Variants in TANC2 observed in about 807,000 individuals in gnomAD.
TANC2 encodes the protein tetratricopeptide repeat, ankyrin repeat and coiled-coil containing 2.
A neutral mutation model predicts 210.5 loss-of-function variants in TANC2; 26 were observed. The ratio of observed to expected loss-of-function variants is 0.12; its 90% CI spans 0.09 to 0.17. TANC2 has a LOEUF of 0.17. TANC2 is among the 10% of genes least tolerant of loss of function. The pLI, the probability that TANC2 is intolerant of heterozygous loss-of-function variation, is 1.00. For synonymous variants in TANC2, 931 were observed against 967.1 expected, an observed-to-expected ratio of 0.96 and a Z score of 0.69; for missense variants, 2,129 against 2,608.9, an observed-to-expected ratio of 0.82 and a Z score of 4.01.
intron 3 of TANC2, among the ~76,000 whole-genome samples, chr17:63,074,605 A>C (rs2036510051): frequency 6.6e-6 from 1 of 152,096 alleles, no homozygotes; most frequent in East Asian, 1.9e-4. Flanking sequence ...CTTTTTCTTT[A>C]TAGTACTTAC....
intron 11 of TANC2, among the ~76,000 whole-genome samples, chr17:63,331,808 A>T (rs988211547): frequency 1.4e-4 from 22 of 151,870 alleles, no homozygotes; most frequent in African/African-American, 5.3e-4. Flanking sequence ...GCCAAGAATG[A>T]AGCCTACAGT....
chr17:63,099,415 TAGGTCACGTC>T, intron 4 of TANC2, 58 bp downstream of exon 4: 1 of 1,305,012 alleles, frequency 7.7e-7, no homozygotes. Flanking sequence ...TATGACACTT[TAGGTCACGTC>T]AGATGTGTAT....
intron 14 of TANC2, among the ~76,000 whole-genome samples, chr17:63,360,510 T>C (rs944145021): frequency 2.0e-5 from 3 of 152,196 alleles, no homozygotes; most frequent in Admixed American, 1.3e-4. Flanking sequence ...GGGTACATGG[T>C]ATATACATAC....
chr17:63,030,066 G>C (rs1274468121), intron 2 of TANC2, among the ~76,000 whole-genome samples: 1 of 152,102 alleles, frequency 6.6e-6, no homozygotes, highest in Non-Finnish European at 1.5e-5. Flanking sequence ...AGCTGCAAGT[G>C]AGCCACTGCA....
At chr17:63,219,631 G>C (rs1421742520) in intron 7 of TANC2, among the ~76,000 whole-genome samples, 3 of 151,960 alleles carry the variant, frequency 2.0e-5, no homozygotes, top group Non-Finnish European at 4.4e-5. Flanking sequence ...GGTTGTTCTT[G>C]AACTCCTGAC....
intron 11 of TANC2, among the ~76,000 whole-genome samples, chr17:63,324,422 CAGTA>C (rs1292026105): frequency 6.6e-6 from 1 of 152,066 alleles, no homozygotes; most frequent in African/African-American, 2.4e-5. Flanking sequence ...GTAGTCATTT[CAGTA>C]ATCCTTTAAT....
At chr17:63,207,922 A>G (rs1384630459) in intron 7 of TANC2, among the ~76,000 whole-genome samples, 1 of 152,172 alleles carries the variant, frequency 6.6e-6, no homozygotes, top group Non-Finnish European at 1.5e-5. Context: ...GCCAATCTGG[A>G]TGATATGAAA....
At chr17:63,052,924 CA>C (rs2035633070) in intron 2 of TANC2, among the ~76,000 whole-genome samples, 1 of 152,148 alleles carries the variant, frequency 6.6e-6, no homozygotes, top group African/African-American at 2.4e-5. Context: ...TAGTTATTTG[CA>C]GTCATTTAAA....
At chr17:63,273,438 AT>A (rs1331218103) in intron 9 of TANC2, among the ~76,000 whole-genome samples, 10 of 152,228 alleles carry the variant, frequency 6.6e-5, no homozygotes, top group African/African-American at 2.2e-4. Context: ...TCATTTATTC[AT>A]TTTTTTATAA....
chr17:63,387,335 A>C (rs1212435707), intron 15 of TANC2, among the ~76,000 whole-genome samples: 1 of 152,110 alleles, frequency 6.6e-6, no homozygotes, highest in Non-Finnish European at 1.5e-5. Context: ...CTCTACAGGA[A>C]GTTTTTTCCT....
intron 5 of TANC2, among the ~76,000 whole-genome samples, chr17:63,163,188 A>G (rs1022442523): frequency 2.0e-5 from 3 of 152,142 alleles, no homozygotes; most frequent in Non-Finnish European, 4.4e-5. Context: ...ATAGGCTCAA[A>G]GAAATGAGCT....
chr17:63,202,302 T>C (rs1232906612), intron 7 of TANC2, among the ~76,000 whole-genome samples: 1 of 152,136 alleles, frequency 6.6e-6, no homozygotes, highest in African/African-American at 2.4e-5. Context: ...TAAAACTATA[T>C]ATTTATACTC....
At chr17:63,016,000 C>A (rs1237848289) in intron 2 of TANC2, among the ~76,000 whole-genome samples, 1 of 151,892 alleles carries the variant, frequency 6.6e-6, no homozygotes, top group Non-Finnish European at 1.5e-5. Flanking sequence ...GAGATACTGG[C>A]AATTTCAGAT....
At chr17:63,339,870 T>C (rs1598890721) in intron 11 of TANC2, among the ~76,000 whole-genome samples, 1 of 152,214 alleles carries the variant, frequency 6.6e-6, no homozygotes, top group Non-Finnish European at 1.5e-5. Flanking sequence ...GGTTATGATA[T>C]CATATGCATA....
intron 3 of TANC2, among the ~76,000 whole-genome samples, chr17:63,077,256 C>T (rs1447822586): frequency 2.0e-5 from 3 of 152,060 alleles, no homozygotes; most frequent in African/African-American, 7.2e-5. Context: ...TCTCTGAATT[C>T]CATATGCATT....
chr17:63,030,024 G>T (rs1265495996), intron 2 of TANC2, among the ~76,000 whole-genome samples: 1 of 152,112 alleles, frequency 6.6e-6, no homozygotes, highest in Non-Finnish European at 1.5e-5. Flanking sequence ...TGCTTTGTGT[G>T]CCATGCTAAA....
Position 62,966,352 on chromosome 17 carries a change from T to C in TANC2, c.-421T>C, listed in dbSNP as rs1485520759. Reference sequence around the variant, plus strand: ...GCCCGGCGGGGGAAGCTGCGAGCGCTCCGAGCGCCCGGCCTAGGGCCGCTG... The same window carrying C: ...GCCCGGCGGGGGAAGCTGCGAGCGCCCCGAGCGCCCGGCCTAGGGCCGCTG... On this transcript the variant is annotated 5_prime_UTR_variant, in exon 1 of 28. Coordinates refer to ENST00000689528, the Ensembl canonical transcript of TANC2. This position sits in a 1 kb window ranked among gnomAD's most constrained non-coding sequence, Gnocchi z 5.1. Among the ~76,000 whole-genome samples, 2 of 146,490 alleles carry C rather than the reference T, an allele frequency of 1.4e-5. No individual in the cohort carries two copies. Among genetic ancestry groups the C allele is most frequent in the Admixed American group, 6.8e-5 (1 of 14,802 alleles).
chr17:63,395,719 A>G (rs558948490), intron 17 of TANC2, 24 bp from the exon 18 acceptor site: 36 of 1,609,524 alleles, frequency 2.2e-5, no homozygotes, highest in Non-Finnish European at 2.8e-5. Flanking sequence ...GTGTTCACAC[A>G]TATCTCCTGT....
chr17:63,242,248 C>G (rs562369221), intron 8 of TANC2, among the ~76,000 whole-genome samples: 1 of 152,080 alleles, frequency 6.6e-6, no homozygotes, highest in South Asian at 2.1e-4. Context: ...CCTATAAAAG[C>G]CCGATAAGCT....
Sources: gnomAD v4.1 joint callset for allele counts (sites outside exome capture counted in the v4.1 genomes callset) on GRCh38, gnomAD v4.1.1 for gene constraint, Gnocchi (gnomAD v3.1) non-coding constraint, MANE v1.5 for transcripts, NCBI Gene and HGNC (gene_info 2026-07-23, HGNC 2026-07-21) for gene names.